The following TENM3 variants were observed in gnomAD, a reference collection of about 807,000 sequenced individuals.
TENM3 encodes the protein teneurin-3.
In TENM3, 63 loss-of-function variants were observed where a neutral mutation model predicts 255.1. The ratio of observed to expected loss-of-function variants is 0.25; its 90% CI spans 0.20 to 0.30. The LOEUF (loss-of-function observed/expected upper bound fraction) is 0.30, where lower values mean the gene tolerates loss of function less well. Ranked by LOEUF, TENM3 falls within the 10% of genes least tolerant of loss-of-function variation. The pLI, the probability that TENM3 is intolerant of heterozygous loss-of-function variation, is 1.00. For missense variants in TENM3, 2,929 were observed against 3,461.1 expected (o/e 0.85, Z 3.86); for synonymous variants, 1,306 against 1,322.3 (o/e 0.99, Z 0.27).
At chr4:182,432,737 G>T (rs975579289) in intron 3 of TENM3, among the ~76,000 whole-genome samples, 4 of 152,178 alleles carry the variant, frequency 2.6e-5, no homozygotes, top group African/African-American at 9.7e-5. Context: ...ACTGCAAGGA[G>T]AGGCGAGGCC....
At chr4:181,857,718 AC>A in the TENM3 span, among the ~76,000 whole-genome samples, 1 of 152,002 alleles carries the variant, frequency 6.6e-6, no homozygotes, top group Admixed American at 6.6e-5. Context: ...AGATCACACC[AC>A]TGCACTCCAG....
At chr4:181,464,293 T>C in the TENM3 span, among the ~76,000 whole-genome samples, 1 of 152,224 alleles carries the variant, frequency 6.6e-6, no homozygotes, top group Non-Finnish European at 1.5e-5. Context: ...TCCAATGTCT[T>C]CATATCCTCA....
intron 19 of TENM3, among the ~76,000 whole-genome samples, chr4:182,747,790 C>T (rs973110589): frequency 6.6e-6 from 1 of 152,040 alleles, no homozygotes; most frequent in African/African-American, 2.4e-5. Context: ...ATTCAGTACC[C>T]CTTATTGACT....
the TENM3 span, among the ~76,000 whole-genome samples, chr4:181,749,425 C>G: frequency 6.6e-6 from 1 of 152,122 alleles, no homozygotes; most frequent in Non-Finnish European, 1.5e-5. Flanking sequence ...TTGTAAAGAC[C>G]TTAAAACAGA....
intron 1 of TENM3, among the ~76,000 whole-genome samples, chr4:182,271,766 A>G (rs2150220776): frequency 6.6e-6 from 1 of 152,366 alleles, no homozygotes; most frequent in Admixed American, 6.5e-5. Flanking sequence ...CCTGTATTAT[A>G]GAGGAGAAAA....
intron 3 of TENM3, among the ~76,000 whole-genome samples, chr4:182,555,632 C>A (rs1043254765): frequency 6.6e-6 from 1 of 152,054 alleles, no homozygotes; most frequent in African/African-American, 2.4e-5. Flanking sequence ...CAAATAAATA[C>A]CATGTCAAGA....
chr4:182,733,779 TG>T (rs1760958166), intron 16 of TENM3, among the ~76,000 whole-genome samples: 4 of 152,202 alleles, frequency 2.6e-5, no homozygotes, highest in Admixed American at 2.6e-4. Context: ...AGAAGTTCAT[TG>T]TAACCTCAAT....
At chr4:182,185,941 C>T (rs916576500) in intron 1 of TENM3, among the ~76,000 whole-genome samples, 8 of 152,200 alleles carry the variant, frequency 5.3e-5, no homozygotes, top group African/African-American at 1.9e-4. Context: ...AAGAGAACTA[C>T]ATTTACCAAT....
the TENM3 span, among the ~76,000 whole-genome samples, chr4:181,607,892 A>G: frequency 6.6e-6 from 1 of 152,206 alleles, no homozygotes; most frequent in Non-Finnish European, 1.5e-5. Context: ...CTTATATTCT[A>G]TCAGGAATTT....
At chr4:182,585,853 C>A (rs1319439416) in intron 3 of TENM3, among the ~76,000 whole-genome samples, 1 of 152,192 alleles carries the variant, frequency 6.6e-6, no homozygotes, top group African/African-American at 2.4e-5. Flanking sequence ...TTAGTTACTG[C>A]TTCTTTTTGA....
intron 3 of TENM3, among the ~76,000 whole-genome samples, chr4:182,529,039 A>G (rs960790737): frequency 3.9e-5 from 6 of 152,214 alleles, no homozygotes; most frequent in Non-Finnish European, 1.5e-5. Context: ...TGCGGTAACA[A>G]ATTTTTGTGA....
At chr4:182,189,233 C>G (rs886632149) in intron 1 of TENM3, among the ~76,000 whole-genome samples, 3 of 151,706 alleles carry the variant, frequency 2.0e-5, no homozygotes, top group Non-Finnish European at 4.4e-5. Flanking sequence ...TCTCCCGGTG[C>G]TGGAAGACTA....
the TENM3 span, among the ~76,000 whole-genome samples, chr4:181,509,795 T>C: frequency 1.3e-5 from 2 of 152,300 alleles, no homozygotes; most frequent in African/African-American, 2.4e-5. Context: ...AATCCAACAG[T>C]TCATTCAATG....
the TENM3 span, among the ~76,000 whole-genome samples, chr4:181,638,104 T>G: frequency 6.6e-6 from 1 of 152,326 alleles, no homozygotes; most frequent in African/African-American, 2.4e-5. Flanking sequence ...TAATTGAGTT[T>G]TATTACTATG....
chr4:181,534,493 GT>G, the TENM3 span, among the ~76,000 whole-genome samples: 21 of 151,438 alleles, frequency 1.4e-4, no homozygotes, highest in African/African-American at 4.9e-4. Flanking sequence ...AAATACCTTT[GT>G]TTCCCTGCCT....
the TENM3 span, among the ~76,000 whole-genome samples, chr4:181,839,345 GTATATATATATATATATATA>G: frequency 0.011 from 627 of 56,668 alleles, 17 homozygotes; most frequent in African/African-American, 0.03. Context: ...TGTATTGAGG[GTATATATATATATATATATA>G]TATATATATA....
intron 1 of TENM3, among the ~76,000 whole-genome samples, chr4:182,236,376 G>T (rs1231761058): frequency 6.6e-6 from 1 of 152,132 alleles, no homozygotes; most frequent in Non-Finnish European, 1.5e-5. Flanking sequence ...TGGTTGATAA[G>T]AAATGACAAA....
At chr4:182,169,320 T>G (rs975779769) in intron 1 of TENM3, 10 of 479,402 alleles carry the variant, frequency 2.1e-5, no homozygotes, top group African/African-American at 1.6e-4. Flanking sequence ...ACCATTAGTT[T>G]TGAATGTTTA....
At chr4:182,482,757 G>C (rs62337187) in intron 3 of TENM3, among the ~76,000 whole-genome samples, 9,262 of 152,162 alleles carry the variant, frequency 0.061, 432 homozygotes, top group African/African-American at 0.13. Flanking sequence ...CAGTAGGTAG[G>C]TATTACACAG....
Sources: allele counts gnomAD v4.1 joint callset (sites outside exome capture counted in the v4.1 genomes callset), GRCh38; gene constraint gnomAD v4.1.1; transcripts MANE v1.5; gene names NCBI Gene and HGNC (gene_info 2026-07-23, HGNC 2026-07-21).